GFM2: variants seen among roughly 807,000 people sequenced by gnomAD.
The protein encoded by GFM2 is GTP dependent ribosome recycling factor mitochondrial 2, also known as ribosome-releasing factor 2, mitochondrial.
In GFM2, 72 loss-of-function variants were observed where a neutral mutation model predicts 95.4. The ratio of observed to expected loss-of-function variants is 0.76; its 90% CI spans 0.62 to 0.92. The LOEUF is 0.92. Ranked by LOEUF, GFM2 falls within the 40% of genes least tolerant of loss-of-function variation. The pLI is 0.00. For synonymous variants in GFM2, 276 were observed against 317.5 expected, an observed-to-expected ratio of 0.87 and a Z score of 1.39; for missense variants, 825 against 924.1, an observed-to-expected ratio of 0.89 and a Z score of 1.39.
At chr5:74,745,901 T>G in intron 9 of GFM2, 44 bp from the exon 10 acceptor site, 1 of 1,464,754 alleles carries the variant, frequency 6.8e-7, no homozygotes, top group African/African-American at 1.4e-5. Context: ...GATCACTCAC[T>G]GAAAACTACA....
intron 17 of GFM2, among the ~76,000 whole-genome samples, chr5:74,727,930 G>A (rs1415798479): frequency 6.6e-6 from 1 of 152,136 alleles, no homozygotes; most frequent in African/African-American, 2.4e-5. Flanking sequence ...ACTGTGCTGT[G>A]TAACAGATCA....
intron 1 of GFM2, among the ~76,000 whole-genome samples, chr5:74,765,394 C>G (rs1357644148): frequency 2.0e-5 from 3 of 152,030 alleles, no homozygotes; most frequent in Non-Finnish European, 4.4e-5. Context: ...ACAAAAGTAA[C>G]GAATACAATA....
chr5:74,759,919 T>C (rs1361594271), intron 3 of GFM2, among the ~76,000 whole-genome samples: 1 of 152,154 alleles, frequency 6.6e-6, no homozygotes, highest in Admixed American at 6.6e-5. Context: ...CACAATACCT[T>C]TAAAGACTGC....
At chr5:74,740,735 CAAAAA>C (rs968693154) in intron 11 of GFM2, among the ~76,000 whole-genome samples, 23 of 152,014 alleles carry the variant, frequency 1.5e-4, no homozygotes, top group African/African-American at 5.6e-4. Flanking sequence ...TTTAAACACT[CAAAAA>C]TAAACAGTTT....
chr5:74,731,324 T>A (rs1742550474), intron 16 of GFM2, among the ~76,000 whole-genome samples: 1 of 152,236 alleles, frequency 6.6e-6, no homozygotes, highest in South Asian at 2.1e-4. Flanking sequence ...GACTTTTATC[T>A]TTTTTGAACC....
Position 74,738,620 on chromosome 5 carries a change from A to G in GFM2, c.1102T>C (p.Cys368Arg), listed in dbSNP as rs141886148. 9.9e-4 allele frequency: 1,595 copies of G among 1,613,050 alleles called. 22 individuals are homozygous for G. The South Asian group carries it at 0.017, about 17-fold the overall frequency. The stretch of plus-strand genomic sequence containing the variant: ...TGGAGAACTTTAAATGCCAATGCAC[A>G]TAAGTCATCCTTATACCACTGCCTA... ...EFLQWYKDDLCALAFKVLHDK... is the reference protein window; with the variant it reads ...EFLQWYKDDLRALAFKVLHDK... Residue 368 changes from cysteine to arginine, a missense_variant, in exon 13 of 21, where the codon TGT becomes CGT. Cys to Arg is a radical substitution (Grantham distance 180). Transcript: ENST00000296805.
rs140535795 is a variant in GFM2 at position 74,759,225 on chromosome 5, G to A, written c.206+144C>T. On this transcript the variant is annotated intron_variant, in intron 4 of 20. Transcript: ENST00000296805. The stretch of plus-strand genomic sequence containing the variant: ...TTTTAGCATTAATTGAGAAAAAATA[G>A]CTAAGATACATTATCAACATCTACT... 5.6e-4 allele frequency: 358 copies of A among 641,422 alleles called. 2 individuals carry two copies. The African/African-American group carries it at 6.1e-3, about 11-fold the overall frequency. The allele number at this position is 641,422 out of a possible 1,614,324, so 39.7% of individuals were successfully genotyped here. A position where few individuals can be genotyped will look rare whatever the true frequency, so the allele number is the denominator to read the frequency against.
At chr5:74,737,312 G>A (rs1742885965) in intron 14 of GFM2, among the ~76,000 whole-genome samples, 1 of 152,140 alleles carries the variant, frequency 6.6e-6, no homozygotes, top group African/African-American at 2.4e-5. Flanking sequence ...AAGTCCATTA[G>A]AGTGTTCTAC....
At chr5:74,733,155 G>T in intron 15 of GFM2, 57 bp from the exon 16 acceptor site, 1 of 1,258,564 alleles carries the variant, frequency 7.9e-7, no homozygotes, top group Non-Finnish European at 1.2e-6. Context: ...TTTATTATAT[G>T]TTCTAGTGGG....
intron 7 of GFM2, among the ~76,000 whole-genome samples, chr5:74,749,828 T>C (rs1281387807): frequency 6.6e-6 from 1 of 152,196 alleles, no homozygotes; most frequent in African/African-American, 2.4e-5. Flanking sequence ...ACTTTTGTTA[T>C]TTATGTTTCA....
chr5:74,732,994 T>C, intron 16 of GFM2, 28 bp downstream of exon 16: 1 of 1,314,884 alleles, frequency 7.6e-7, no homozygotes, highest in Non-Finnish European at 1.1e-6. Flanking sequence ...ATAGAAAGGC[T>C]TCTGGAGTTT....
chr5:74,757,229 G>C (rs918661353), intron 5 of GFM2, among the ~76,000 whole-genome samples: 5 of 152,124 alleles, frequency 3.3e-5, no homozygotes, highest in African/African-American at 1.2e-4. Flanking sequence ...ATATAAAAGA[G>C]AGAGAGAACA....
At position 74,721,349 on chromosome 5, in the gene GFM2, A is replaced by C. The variant is rs1749869247; in HGVS notation, c.*306T>G. On this transcript the variant is annotated 3_prime_UTR_variant, in exon 21 of 21. Transcript: ENST00000296805. ...GGCATCTTTCTTGTGAGACAAGCTTAAGGACACAAAAGAAACACAACTTTG... is the reference window on the plus strand; with the variant it reads ...GGCATCTTTCTTGTGAGACAAGCTTCAGGACACAAAAGAAACACAACTTTG... 5.4e-6 allele frequency: 4 copies of C among 746,082 alleles called. No individual in the cohort carries two copies. The East Asian group carries it at 1.1e-4, about 20-fold the overall frequency. 46.2% of individuals were successfully genotyped at this position (746,082 alleles called of 1,614,324 possible).
intron 16 of GFM2, among the ~76,000 whole-genome samples, chr5:74,731,789 A>G (rs919877567): frequency 2.0e-5 from 3 of 152,142 alleles, no homozygotes; most frequent in Admixed American, 6.5e-5. Flanking sequence ...GCAGAAGAAC[A>G]TATGTTTGGG....
At chr5:74,741,713 C>A in intron 10 of GFM2, 104 bp from the exon 11 acceptor site, 1 of 567,142 alleles carries the variant, frequency 1.8e-6, no homozygotes. Context: ...TTCAAGACAG[C>A]TACCTTACCT....
intron 7 of GFM2, 80 bp downstream of exon 7, chr5:74,750,499 C>T: frequency 3.3e-6 from 3 of 907,218 alleles, no homozygotes; most frequent in East Asian, 2.6e-5. Context: ...TAGATGGTTA[C>T]AGTTAACTAA....
At position 74,745,830 on chromosome 5, in the gene GFM2, T is replaced by C; in HGVS notation, c.697A>G (p.Lys233Glu). The C allele has an allele frequency of 1.2e-6, 2 of 1,612,222 alleles. No individual in the cohort carries two copies. Among genetic ancestry groups the C allele is most frequent in the Non-Finnish European group, 1.7e-6 (2 of 1,179,762 alleles). Reference protein sequence around the residue: ...QLPIGEAKTFKGVVDVVMKEK... With the variant: ...QLPIGEAKTFEGVVDVVMKEK... ...TTCATTACTACATCCACCACTCCTT[T>C]GAAAGTTTTGGCTTCACCAATTGGT... The change falls in exon 10 of 21, where the codon AAA (lysine) becomes GAA (glutamate). Residue 233 changes from lysine (K) to glutamate (E), a missense_variant. By Grantham distance (56) the Lys-to-Glu change is moderately conservative. Transcript: ENST00000296805.
rs1469738181 is a variant in GFM2, at chr5:74,739,404, G to C, written c.1079+585C>G. 2.0e-5 allele frequency among the ~76,000 whole-genome samples: 3 copies of C among 152,214 alleles called. No homozygotes were observed. In the East Asian group the frequency reaches 5.8e-4, roughly 29 times the overall value. On this transcript the variant is annotated intron_variant, in intron 12 of 20. Transcript: ENST00000296805. The stretch of plus-strand genomic sequence containing the variant: ...TTGCATTTTATAGATGAGATGTTAA[G>C]GAACTTGGAAAAGCTAGGATTTAAA...
intron 7 of GFM2, among the ~76,000 whole-genome samples, chr5:74,749,758 G>C (rs1446677271): frequency 3.3e-5 from 5 of 152,016 alleles, no homozygotes; most frequent in African/African-American, 1.2e-4. Flanking sequence ...TCTATTCCTT[G>C]TGTTTTTAAT....
Sources: allele counts gnomAD v4.1 joint callset (sites outside exome capture counted in the v4.1 genomes callset), GRCh38; gene constraint gnomAD v4.1.1; transcripts MANE v1.5; gene names NCBI Gene and HGNC (gene_info 2026-07-23, HGNC 2026-07-21).